Variants in AP2A1 observed in about 807,000 individuals in gnomAD.
The protein encoded by AP2A1 is AP-2 complex subunit alpha-1.
Under a neutral mutation model 107.3 loss-of-function variants are expected in AP2A1, and 21 were observed. The ratio of observed to expected loss-of-function variants is 0.20; its 90% CI spans 0.14 to 0.28. The LOEUF is 0.28. Among genes scored for constraint, AP2A1 ranks in the 10% least tolerant of loss-of-function variants. The pLI is 1.00. For missense variants in AP2A1, 873 were observed against 1,307.7 expected, an observed-to-expected ratio of 0.67 and a Z score of 5.13; for synonymous variants, 602 against 564.8, an observed-to-expected ratio of 1.07 and a Z score of -0.93.
chr19:49,795,785 C>A, intron 7 of AP2A1, 47 bp downstream of exon 7: 3 of 1,367,006 alleles, frequency 2.2e-6, no homozygotes, highest in Non-Finnish European at 3.0e-6. Context: ...CTGCTGCTGG[C>A]ATCTGGGGGC....
At chr19:49,798,587 T>A (rs7248071) in intron 7 of AP2A1, among the ~76,000 whole-genome samples, 1 of 151,934 alleles carries the variant, frequency 6.6e-6, no homozygotes, top group African/African-American at 2.4e-5. Flanking sequence ...GGGATAGATC[T>A]TGTGTCTCCA....
chr19:49,805,790 G>A lies in AP2A1; in HGVS notation c.2585+13G>A, dbSNP rs749856599. 234 of 1,607,492 alleles carry A rather than the reference G, an allele frequency of 1.5e-4. No homozygotes were observed. Among genetic ancestry groups the A allele is most frequent in the South Asian group, 4.4e-5 (4 of 90,354 alleles). ...AGCAGCTGAGCCTGTGAGGGGTGGG[G>A]AGGGGGCGGAGCCAAAGCCGCGCCT... On this transcript the variant is annotated intron_variant, in intron 20 of 22. Transcript: ENST00000354293.
intron 1 of AP2A1, among the ~76,000 whole-genome samples, chr19:49,780,236 T>G (rs1019663592): frequency 6.6e-6 from 1 of 152,224 alleles, no homozygotes; most frequent in East Asian, 1.9e-4. Context: ...GAAATAAAAT[T>G]GTGACATGGT....
chr19:49,805,905 C>T lies in AP2A1; in HGVS notation c.2619C>T (p.Ala873=), dbSNP rs754176823. ...PQQEAQKIFK[A]NHPMDAEVTK... is the part of the protein sequence containing the mutation. ...AGGAGGCGCAGAAAATCTTCAAAGC[C>T]AACCACCCCATGGACGCAGAAGTTA... Residue 873 remains alanine, a synonymous_variant, in exon 21 of 23, where the codon GCC becomes GCT. Coordinates refer to ENST00000354293, the MANE Select transcript of AP2A1 (RefSeq NM_130787.3). 3 of 1,613,856 alleles carry T rather than the reference C, an allele frequency of 1.9e-6. No individual in the cohort carries two copies. The highest frequency in any genetic ancestry group is 1.7e-5 in the Admixed American group (1 of 60,026).
chr19:49,787,120 C>T (rs1180994067), intron 4 of AP2A1, among the ~76,000 whole-genome samples: 1 of 151,718 alleles, frequency 6.6e-6, no homozygotes, highest in Non-Finnish European at 1.5e-5. Flanking sequence ...GATCTTCCCA[C>T]CTCAGCCCCC....
intron 4 of AP2A1, 102 bp from the exon 5 acceptor site, chr19:49,791,833 T>C: frequency 6.9e-7 from 1 of 1,450,848 alleles, no homozygotes; most frequent in African/African-American, 1.4e-5. Flanking sequence ...TCCCTCTCGC[T>C]GGCCTCGCAC....
Position 49,767,012 on chromosome 19 carries a change from C to CGCCT in AP2A1, c.-122_-121insGCCT, listed in dbSNP as rs2084508943. The CGCCT allele has an allele frequency of 1.9e-6, 2 of 1,048,688 alleles. No homozygotes were observed. Among genetic ancestry groups the CGCCT allele is most frequent in the African/African-American group, 1.7e-5 (1 of 59,170 alleles). The allele number at this position is 1,048,688 out of a possible 1,614,324, so 65.0% of individuals were successfully genotyped here. ...CCGCCCGCCCGCCCGCCAGCCAGCC[C>CGCCT]TCCCCGCGGCCGGCTCGGCTCCTTG... On this transcript the variant is annotated 5_prime_UTR_variant, in exon 1 of 23. Transcript: ENST00000354293.
chr19:49,798,769 A>G (rs1335619233), intron 7 of AP2A1, 33 bp from the exon 8 acceptor site: 1 of 1,590,590 alleles, frequency 6.3e-7, no homozygotes, highest in Admixed American at 1.8e-5. Context: ...TGGGCAGGAC[A>G]CTCAGCCGGG....
Position 49,795,677 on chromosome 19 carries a change from C to T in AP2A1, c.753C>T (p.Phe251=), listed in dbSNP as rs776733072. The change falls in exon 7 of 23, where the codon TTC becomes TTT. Residue 251 remains phenylalanine (F), a synonymous_variant. Coordinates refer to ENST00000354293, the MANE Select transcript of AP2A1 (RefSeq NM_130787.3). ...STDLQDYTYY[F]VPAPWLSVKL... is the part of the protein sequence containing the mutation. ...ACCTCCAGGACTACACCTACTACTTCGTCCCAGCACCCTGGCTCTCGGTGA... is the reference window on the plus strand; with the variant it reads ...ACCTCCAGGACTACACCTACTACTTTGTCCCAGCACCCTGGCTCTCGGTGA... 9.2e-6 allele frequency: 14 copies of T among 1,523,044 alleles called. No homozygotes were observed. Among genetic ancestry groups the T allele is most frequent in the Admixed American group, 7.7e-5 (4 of 52,078 alleles). 94.3% of individuals were successfully genotyped at this position (1,523,044 alleles called of 1,614,324 possible). A position where few individuals can be genotyped will look rare whatever the true frequency, so the allele number is the denominator to read the frequency against.
At chr19:49,776,753 C>T (rs952646176) in intron 1 of AP2A1, among the ~76,000 whole-genome samples, 17 of 152,236 alleles carry the variant, frequency 1.1e-4, no homozygotes, top group Admixed American at 7.2e-4. Flanking sequence ...GCTCCCTGGC[C>T]ATCACGGGCC....
rs376892953 is a variant in AP2A1 at position 49,791,840 on chromosome 19, G to T, written c.474-95G>T. On this transcript the variant is annotated intron_variant, in intron 4 of 22. Transcript: ENST00000354293. ...GCTGTCTGTCCCTCTCGCTGGCCTCGCACACCCTTCCTGGGAGGAACAGGA... is the reference window on the plus strand; with the variant it reads ...GCTGTCTGTCCCTCTCGCTGGCCTCTCACACCCTTCCTGGGAGGAACAGGA... The T allele has an allele frequency of 1.2e-5, 17 of 1,475,192 alleles. No homozygotes were observed. In the African/African-American group the frequency reaches 2.1e-4, roughly 18 times the overall value. 91.4% of individuals were successfully genotyped at this position (1,475,192 alleles called of 1,614,324 possible). A position where few individuals can be genotyped will look rare whatever the true frequency, so the allele number is the denominator to read the frequency against.
chr19:49,780,682 C>T (rs1236914051), intron 1 of AP2A1, among the ~76,000 whole-genome samples: 3 of 152,158 alleles, frequency 2.0e-5, no homozygotes, highest in East Asian at 1.9e-4. Flanking sequence ...AAGTGGTCAT[C>T]GTGGAGGTGC....
At position 49,785,658 on chromosome 19, in the gene AP2A1, C is replaced by T. The variant is rs538882822; in HGVS notation, c.473+2934C>T. Among the ~76,000 whole-genome samples the T allele has an allele frequency of 5.9e-5, 9 of 151,992 alleles. No individual in the cohort carries two copies. Among genetic ancestry groups the T allele is most frequent in the Middle Eastern group, 3.4e-3 (1 of 294 alleles). ...CAGGCCAGGCACAGCAGCTCACACC[C>T]GTAATCCCAGCACCTTGGGAGGCCA... On this transcript the variant is annotated intron_variant, in intron 4 of 22. Transcript: ENST00000354293. The surrounding 1 kb of genome is among the most constrained non-coding windows in gnomAD (Gnocchi z 4.1).
intron 1 of AP2A1, 114 bp downstream of exon 1, chr19:49,767,314 G>T: frequency 7.6e-7 from 1 of 1,310,948 alleles, no homozygotes; most frequent in Non-Finnish European, 1.1e-6. Context: ...GGCCGTATAG[G>T]GACAGCATAG....
chr19:49,767,223 C>T (rs746469066), intron 1 of AP2A1, 23 bp downstream of exon 1: 10 of 1,609,810 alleles, frequency 6.2e-6, no homozygotes, highest in Non-Finnish European at 7.6e-6. Context: ...CCGGGGGACA[C>T]TGGAGACGCG....
chr19:49,800,225 G>A, intron 11 of AP2A1, 75 bp downstream of exon 11: 1 of 1,478,920 alleles, frequency 6.8e-7, no homozygotes. Flanking sequence ...CGGGGCCGTG[G>A]CGCCTGCCAG....
intron 1 of AP2A1, among the ~76,000 whole-genome samples, chr19:49,780,022 C>G (rs1568575839): frequency 6.6e-6 from 1 of 152,244 alleles, no homozygotes; most frequent in Non-Finnish European, 1.5e-5. Context: ...GGCACATATA[C>G]TTGCTTTCTC....
At chr19:49,790,273 C>T (rs975326586) in intron 4 of AP2A1, among the ~76,000 whole-genome samples, 5 of 152,194 alleles carry the variant, frequency 3.3e-5, no homozygotes, top group African/African-American at 9.6e-5. Flanking sequence ...ATCTTCTCTC[C>T]TGCCTGACCT....
intron 2 of AP2A1, 45 bp downstream of exon 2, chr19:49,781,870 G>A: frequency 6.2e-7 from 1 of 1,608,090 alleles, no homozygotes; most frequent in South Asian, 1.1e-5. Flanking sequence ...GGAGGGGGCT[G>A]GGAGCTGGGG....
Sources: gnomAD v4.1 joint callset for allele counts (sites outside exome capture counted in the v4.1 genomes callset) on GRCh38, gnomAD v4.1.1 for gene constraint, Gnocchi (gnomAD v3.1) non-coding constraint, MANE v1.5 for transcripts, NCBI Gene and HGNC (gene_info 2026-07-23, HGNC 2026-07-21) for gene names.